PTPN3: variants seen among roughly 807,000 people sequenced by gnomAD.
PTPN3 encodes the protein tyrosine-protein phosphatase non-receptor type 3.
A neutral mutation model predicts 132.7 loss-of-function variants in PTPN3; 96 were observed. The ratio of observed to expected loss-of-function variants is 0.72; its 90% CI spans 0.61 to 0.86. The LOEUF (loss-of-function observed/expected upper bound fraction) is 0.86. Among genes scored for constraint, PTPN3 ranks in the 40% least tolerant of loss-of-function variants. PTPN3 has a pLI of 0.00. For missense variants in PTPN3, 1,125 were observed against 1,159.6 expected (o/e 0.97, Z 0.43); for synonymous variants, 398 against 429.0 (o/e 0.93, Z 0.89).
chr9:109,408,123 T>C (rs1841717840), intron 17 of PTPN3, among the ~76,000 whole-genome samples, 198 bp downstream of exon 17: 1 of 152,202 alleles, frequency 6.6e-6, no homozygotes, highest in Non-Finnish European at 1.5e-5. Context: ...GCTGCATTTC[T>C]AATGAGGTCC....
chr9:109,490,875 A>G (rs2132122303), intron 1 of PTPN3, among the ~76,000 whole-genome samples: 1 of 148,132 alleles, frequency 6.8e-6, no homozygotes, highest in South Asian at 2.2e-4. Context: ...TTTTGCTATA[A>G]AAAAGGACAT....
the PTPN3 span, among the ~76,000 whole-genome samples, chr9:109,525,435 G>A: frequency 2.0e-5 from 3 of 152,200 alleles, no homozygotes; most frequent in Non-Finnish European, 2.9e-5. Context: ...ATAGTTCTCA[G>A]CCTTGGGTGC....
At chr9:109,391,272 T>C (rs1173099766) in intron 20 of PTPN3, 73 bp from the exon 21 acceptor site, 1 of 1,451,276 alleles carries the variant, frequency 6.9e-7, no homozygotes, top group African/African-American at 1.4e-5. Flanking sequence ...CAGAGTTCAG[T>C]TCCCAGCCCC....
intron 21 of PTPN3, among the ~76,000 whole-genome samples, chr9:109,389,765 C>T (rs1839908510): frequency 6.6e-6 from 1 of 152,210 alleles, no homozygotes; most frequent in Non-Finnish European, 1.5e-5. Context: ...CTATCAAAAT[C>T]TATTTACGTT....
intron 1 of PTPN3, among the ~76,000 whole-genome samples, chr9:109,496,095 C>T (rs1009548970): frequency 6.6e-5 from 10 of 152,206 alleles, no homozygotes; most frequent in Admixed American, 5.9e-4. Flanking sequence ...GTCTAATTTG[C>T]ATATATGAGT....
At chr9:109,422,954 G>T in intron 12 of PTPN3, 102 bp from the exon 13 acceptor site, 1 of 1,438,142 alleles carries the variant, frequency 7.0e-7, no homozygotes. Context: ...TCTGAAGGAC[G>T]GCAGGTTAAT....
the PTPN3 span, among the ~76,000 whole-genome samples, chr9:109,512,956 C>T: frequency 6.6e-6 from 1 of 152,186 alleles, no homozygotes; most frequent in South Asian, 2.1e-4. Flanking sequence ...TAGGCTGGTT[C>T]ACATCTTTGA....
the PTPN3 span, chr9:109,534,433 C>G: frequency 1.5e-6 from 2 of 1,344,644 alleles, no homozygotes; most frequent in African/African-American, 3.0e-5. Context: ...GCTCAGGGCT[C>G]TCTGGGGTCC....
At chr9:109,483,959 T>C (rs796952553) in intron 1 of PTPN3, among the ~76,000 whole-genome samples, 14 of 152,324 alleles carry the variant, frequency 9.2e-5, no homozygotes, top group African/African-American at 2.9e-4. Flanking sequence ...GTCTCAGGCC[T>C]CACCCCTGAC....
At chr9:109,511,189 C>G in the PTPN3 span, among the ~76,000 whole-genome samples, 3 of 152,242 alleles carry the variant, frequency 2.0e-5, no homozygotes, top group East Asian at 3.9e-4. Flanking sequence ...TACACCAGCT[C>G]TGCTTGCAAT....
At position 109,445,247 on chromosome 9, in the gene PTPN3, G is replaced by A. The variant is rs757786954; in HGVS notation, c.459C>T (p.Ala153=). Residue 153 remains alanine, a synonymous_variant, in exon 7 of 26, where the codon GCC becomes GCT. Coordinates refer to ENST00000374541, the MANE Select transcript of PTPN3 (RefSeq NM_002829.4). Reference sequence around the variant, plus strand: ...GCTCCCTTTGTGACTTACATTGTACGGCATAGGACGCTAGAACCACTGCTG... The same window carrying A: ...GCTCCCTTTGTGACTTACATTGTACAGCATAGGACGCTAGAACCACTGCTG... ...LNSAVVLASY[A]VQSHFGDYNS... The A allele has an allele frequency of 1.4e-5, 23 of 1,613,230 alleles. No homozygotes were observed. The highest frequency in any genetic ancestry group is 1.6e-4 in the Middle Eastern group (1 of 6,084).
chr9:109,393,798 T>C (rs1247869309), intron 19 of PTPN3, among the ~76,000 whole-genome samples: 2 of 152,224 alleles, frequency 1.3e-5, no homozygotes, highest in Admixed American at 6.5e-5. Flanking sequence ...CTCTATGTTT[T>C]TGCAAATTGT....
intron 1 of PTPN3, among the ~76,000 whole-genome samples, chr9:109,482,411 G>A (rs1005811205): frequency 1.8e-4 from 27 of 152,224 alleles, no homozygotes; most frequent in African/African-American, 6.0e-4. Flanking sequence ...CGGGATAACC[G>A]CAACTAATTA....
intron 19 of PTPN3, among the ~76,000 whole-genome samples, chr9:109,401,005 T>C (rs3905128): frequency 0.86 from 130,584 of 152,078 alleles, 56,335 homozygotes; most frequent in African/African-American, 0.95. Context: ...ACCCTACTGG[T>C]TCCATCACAG....
intron 1 of PTPN3, among the ~76,000 whole-genome samples, chr9:109,464,472 G>C (rs74479508): frequency 0.04 from 6,013 of 152,206 alleles, 337 homozygotes; most frequent in East Asian, 0.3. Context: ...TGACGCATTT[G>C]ACAAAATAAT....
chr9:109,507,322 G>A, the PTPN3 span, among the ~76,000 whole-genome samples: 6 of 152,236 alleles, frequency 3.9e-5, no homozygotes, highest in African/African-American at 1.4e-4. Context: ...CCCTCTGCTG[G>A]AAGTCACATC....
chr9:109,463,228 C>A, intron 2 of PTPN3, 69 bp downstream of exon 2: 1 of 1,374,984 alleles, frequency 7.3e-7, no homozygotes, highest in Middle Eastern at 2.2e-4. Flanking sequence ...TTTTGTGAGC[C>A]AAGAGATGAA....
chr9:109,493,794 CA>C (rs1412949328), intron 1 of PTPN3, among the ~76,000 whole-genome samples: 2 of 152,176 alleles, frequency 1.3e-5, no homozygotes, highest in African/African-American at 4.8e-5. Flanking sequence ...TAAAGGCAGC[CA>C]GGGGGAGGCC....
the PTPN3 span, among the ~76,000 whole-genome samples, chr9:109,536,661 G>A: frequency 6.6e-6 from 1 of 152,166 alleles, no homozygotes; most frequent in Non-Finnish European, 1.5e-5. Flanking sequence ...TATGGTGTAT[G>A]TAAGGCTTTG....
Sources: allele counts gnomAD v4.1 joint callset (sites outside exome capture counted in the v4.1 genomes callset), GRCh38; gene constraint gnomAD v4.1.1; transcripts MANE v1.5; gene names NCBI Gene and HGNC (gene_info 2026-07-23, HGNC 2026-07-21).